Variants in CDK5RAP2 observed in about 807,000 individuals in gnomAD.
CDK5RAP2 encodes CDK5 regulatory subunit associated protein 2.
In CDK5RAP2, 147 loss-of-function variants were observed where a neutral mutation model predicts 232.9. That is an observed-to-expected ratio of 0.63 (90% CI 0.55 to 0.72). CDK5RAP2 has a LOEUF of 0.72. Among genes scored for constraint, CDK5RAP2 ranks in the 30% least tolerant of loss-of-function variants. CDK5RAP2 has a pLI of 0.00. For synonymous variants in CDK5RAP2, 833 were observed against 833.7 expected (o/e 1.00, Z 0.01); for missense variants, 2,195 against 2,231.5 (o/e 0.98, Z 0.33).
intron 25 of CDK5RAP2, among the ~76,000 whole-genome samples, chr9:120,435,376 A>C (rs1035813668): frequency 6.6e-6 from 1 of 152,150 alleles, no homozygotes; most frequent in Non-Finnish European, 1.5e-5. Context: ...AAAATGTGGA[A>C]GCGGGAAAAA....
At chr9:120,411,943 C>T (rs1381547259) in intron 28 of CDK5RAP2, among the ~76,000 whole-genome samples, 1 of 151,694 alleles carries the variant, frequency 6.6e-6, no homozygotes, top group African/African-American at 2.4e-5. Context: ...GGGAGCCATT[C>T]TAAACCCCTT....
chr9:120,408,392 G>T lies in CDK5RAP2; in HGVS notation c.4681C>A (p.Leu1561Met), dbSNP rs748298248. Reference protein sequence around the residue: ...DKLLQSLRVELKAYEKLDEEH... With the variant: ...DKLLQSLRVEMKAYEKLDEEH... ...TCATCCAGCTTCTCATACGCCTTCA[G>T]CTCCACTCGGAGAGACTGCAATAGC... Residue 1561 changes from leucine (L) to methionine (M), a missense_variant, in exon 31 of 38, where the codon CTG (leucine) becomes ATG (methionine). By Grantham distance (15) the Leu-to-Met change is conservative. Transcript: ENST00000349780. 6 of 1,614,048 alleles carry T rather than the reference G, an allele frequency of 3.7e-6. No individual in the cohort carries two copies. The highest frequency in any genetic ancestry group is 5.1e-6 in the Non-Finnish European group (6 of 1,180,038).
At chr9:120,509,299 T>C (rs1452280886) in intron 12 of CDK5RAP2, among the ~76,000 whole-genome samples, 3 of 152,188 alleles carry the variant, frequency 2.0e-5, no homozygotes, top group Non-Finnish European at 4.4e-5. Flanking sequence ...TAGCAGGTGA[T>C]GGTTTGTCAT....
intron 35 of CDK5RAP2, 94 bp downstream of exon 35, chr9:120,400,648 C>A: frequency 6.7e-7 from 1 of 1,487,998 alleles, no homozygotes; most frequent in Non-Finnish European, 9.3e-7. Context: ...AAATGGTGGG[C>A]ACATCTGCTG....
chr9:120,425,974 G>A (rs2034872617), intron 25 of CDK5RAP2, among the ~76,000 whole-genome samples: 1 of 152,180 alleles, frequency 6.6e-6, no homozygotes. Context: ...GAGACAAACA[G>A]AATCTGGCCT....
At position 120,453,681 on chromosome 9, in the gene CDK5RAP2, C is replaced by T. The variant is rs144723485; in HGVS notation, c.2568G>A (p.Gln856=). The change falls in exon 21 of 38, where the codon CAG becomes CAA. Residue 856 remains glutamine, a synonymous_variant. Coordinates refer to ENST00000349780, the MANE Select transcript of CDK5RAP2 (RefSeq NM_018249.6). Reference sequence around the variant, plus strand: ...TGGGCACTTCGCCTGCCTTTACTAGCTGGGCCTCACAAGACAACTTCAGTT... The same window carrying T: ...TGGGCACTTCGCCTGCCTTTACTAGTTGGGCCTCACAAGACAACTTCAGTT... ...HDELKLSCEA[Q]LVKAGEVPKV... is the part of the protein sequence containing the mutation. The T allele has an allele frequency of 1.1e-3, 1,854 of 1,614,202 alleles. 5 individuals carry two copies. Among genetic ancestry groups the T allele is most frequent in the Middle Eastern group, 7.8e-3 (47 of 6,060 alleles).
rs755549517 is a variant in CDK5RAP2 at position 120,408,385 on chromosome 9, G to A, written c.4688C>T (p.Ala1563Val). The A allele has an allele frequency of 1.5e-5, 25 of 1,613,920 alleles. No homozygotes were observed. The highest frequency in any genetic ancestry group is 1.7e-5 in the Non-Finnish European group (20 of 1,179,990). ...GTGCTCTTCATCCAGCTTCTCATAC[G>A]CCTTCAGCTCCACTCGGAGAGACTG... The part of the protein sequence containing the change: ...LLQSLRVELK[A>V]YEKLDEEHRR... The change falls in exon 31 of 38, where the codon GCG (alanine) becomes GTG (valine). Residue 1563 changes from alanine to valine, a missense_variant. Ala to Val is a moderately conservative substitution (Grantham distance 64). Transcript: ENST00000349780.
intron 2 of CDK5RAP2, among the ~76,000 whole-genome samples, chr9:120,570,411 C>G (rs2042810435): frequency 6.6e-6 from 1 of 152,218 alleles, no homozygotes; most frequent in Admixed American, 6.5e-5. Flanking sequence ...TACATCTTTG[C>G]TCCTGACACT....
At chr9:120,441,855 G>C (rs1029101795) in intron 23 of CDK5RAP2, among the ~76,000 whole-genome samples, 3 of 152,196 alleles carry the variant, frequency 2.0e-5, no homozygotes, top group African/African-American at 7.2e-5. Flanking sequence ...TGCAGACCGT[G>C]TCATCCATGT....
At chr9:120,470,246 TGGGGAG>T in intron 16 of CDK5RAP2, 26 bp from the exon 17 acceptor site, 4 of 1,118,654 alleles carry the variant, frequency 3.6e-6, no homozygotes, top group Non-Finnish European at 5.2e-6. Context: ...AAAAAAAAGG[TGGGGAG>T]GGGGAGGAGA....
At chr9:120,559,136 T>C (rs1054786530) in intron 3 of CDK5RAP2, among the ~76,000 whole-genome samples, 41 of 152,192 alleles carry the variant, frequency 2.7e-4, no homozygotes, top group African/African-American at 9.6e-4. Context: ...AAAGCTAGTC[T>C]AAGAATTAAA....
At chr9:120,457,534 T>C (rs1400573731) in intron 20 of CDK5RAP2, among the ~76,000 whole-genome samples, 5 of 152,206 alleles carry the variant, frequency 3.3e-5, no homozygotes, top group South Asian at 4.1e-4. Flanking sequence ...TAGAAAAATA[T>C]TGGACAGATG....
At chr9:120,570,709 C>T (rs561883066) in intron 2 of CDK5RAP2, among the ~76,000 whole-genome samples, 7 of 152,120 alleles carry the variant, frequency 4.6e-5, no homozygotes, top group Admixed American at 1.3e-4. Context: ...TGTGGTGGCA[C>T]GTGCCTGTAA....
intron 20 of CDK5RAP2, among the ~76,000 whole-genome samples, chr9:120,456,911 C>T (rs570251724): frequency 6.6e-6 from 1 of 152,208 alleles, no homozygotes; most frequent in Non-Finnish European, 1.5e-5. Flanking sequence ...GAAATCTGAA[C>T]AGCAGATTCA....
At chr9:120,468,978 G>A (rs1415841459) in intron 17 of CDK5RAP2, among the ~76,000 whole-genome samples, 1 of 152,160 alleles carries the variant, frequency 6.6e-6, no homozygotes, top group Non-Finnish European at 1.5e-5. Flanking sequence ...GGTTCTAGTA[G>A]GAAGAACAAG....
chr9:120,482,735 A>T (rs1168717655), intron 14 of CDK5RAP2, among the ~76,000 whole-genome samples: 3 of 152,198 alleles, frequency 2.0e-5, no homozygotes, highest in Non-Finnish European at 4.4e-5. Context: ...TAAACTGATG[A>T]TTAAGTAGGT....
chr9:120,544,201 A>G (rs988594009), intron 5 of CDK5RAP2, among the ~76,000 whole-genome samples: 1 of 152,206 alleles, frequency 6.6e-6, no homozygotes, highest in Admixed American at 6.5e-5. Flanking sequence ...TGAGGAGTGT[A>G]TGCAAGCCTT....
chr9:120,545,966 C>G (rs2041825911), intron 4 of CDK5RAP2, among the ~76,000 whole-genome samples, 176 bp from the exon 5 acceptor site: 2 of 152,200 alleles, frequency 1.3e-5, no homozygotes, highest in Admixed American at 6.5e-5. Flanking sequence ...AATTATTAAA[C>G]ACTGGTGGTC....
At chr9:120,520,750 C>CAT (rs1554771903) in intron 11 of CDK5RAP2, among the ~76,000 whole-genome samples, 8 of 134,356 alleles carry the variant, frequency 6.0e-5, no homozygotes, top group South Asian at 2.5e-4. Context: ...TGTGATATCT[C>CAT]ATATCTCATG....
Sources: allele counts gnomAD v4.1 joint callset (sites outside exome capture counted in the v4.1 genomes callset), GRCh38; gene constraint gnomAD v4.1.1; transcripts MANE v1.5; gene names NCBI Gene and HGNC (gene_info 2026-07-23, HGNC 2026-07-21).